The following DLG5 variants were observed in gnomAD, a reference collection of about 807,000 sequenced individuals.
DLG5 encodes disks large homolog 5.
In DLG5, 48 loss-of-function variants were observed where a neutral mutation model predicts 189.8. The ratio of observed to expected loss-of-function variants is 0.25; its 90% CI spans 0.20 to 0.32. DLG5 has a LOEUF of 0.32. Ranked by LOEUF, DLG5 falls within the 10% of genes least tolerant of loss-of-function variation. The pLI is 1.00. For synonymous variants in DLG5, 1,016 were observed against 1,054.1 expected (o/e 0.96, Z 0.70); for missense variants, 2,160 against 2,544.7 (o/e 0.85, Z 3.25).
rs754386756 is a variant in DLG5, at chr10:77,821,248, G to A, written c.3236C>T (p.Pro1079Leu). Residue 1079 changes from proline to leucine, a missense_variant, in exon 15 of 32, where the codon CCT becomes CTT. By Grantham distance (98) the Pro-to-Leu change is moderately conservative. Around this residue, in one of 5 missense-constraint regions of DLG5, gnomAD observed 754 missense variants for 746.5 expected, o/e 1.01. Coordinates refer to ENST00000372391, the MANE Select transcript of DLG5 (RefSeq NM_004747.4). ...ARVRIASSYY[P>L]EGDGDSSHLP... ...GTGGGAGGAGTCCCCATCTCCTTCA[G>A]GGTAGTAGCTGGAAGCAATGCGGAC... 1.9e-6 allele frequency: 3 copies of A among 1,614,036 alleles called. No homozygotes were observed. Among genetic ancestry groups the A allele is most frequent in the Non-Finnish European group, 2.5e-6 (3 of 1,180,048 alleles).
intron 7 of DLG5, among the ~76,000 whole-genome samples, chr10:77,837,614 T>C (rs1193054006): frequency 6.6e-6 from 1 of 152,114 alleles, no homozygotes; most frequent in African/African-American, 2.4e-5. Context: ...CTTAAACAAA[T>C]GGTAAAATTT....
At chr10:77,860,214 A>G (rs1844418157) in intron 2 of DLG5, among the ~76,000 whole-genome samples, 1 of 152,224 alleles carries the variant, frequency 6.6e-6, no homozygotes, top group African/African-American at 2.4e-5. Context: ...AAACACATGC[A>G]CTTCACCCTC....
At chr10:77,854,090 T>C in intron 4 of DLG5, 137 bp downstream of exon 4, 1 of 1,130,122 alleles carries the variant, frequency 8.8e-7, no homozygotes, top group Non-Finnish European at 1.2e-6. Context: ...CAAATCCACC[T>C]GCTGTAGGCA....
chr10:77,930,111 A>G (rs1364898003), upstream of DLG5, among the ~76,000 whole-genome samples: 3 of 152,050 alleles, frequency 2.0e-5, no homozygotes, highest in South Asian at 4.1e-4. Context: ...CCTCCCCTGC[A>G]CACACGCACT....
At chr10:77,830,720 G>A (rs1487949438) in intron 10 of DLG5, 21 bp downstream of exon 10, 1 of 1,612,586 alleles carries the variant, frequency 6.2e-7, no homozygotes, top group Admixed American at 1.7e-5. Context: ...AAGGAGAGAA[G>A]AACCATCAGA....
intron 1 of DLG5, among the ~76,000 whole-genome samples, chr10:77,905,281 A>C (rs576275013): frequency 7.2e-5 from 11 of 152,146 alleles, no homozygotes; most frequent in Non-Finnish European, 1.5e-4. Context: ...GATTACAGGC[A>C]TGAGTCACCT....
chr10:77,844,698 G>T (rs897482421), intron 5 of DLG5, among the ~76,000 whole-genome samples: 2 of 152,226 alleles, frequency 1.3e-5, no homozygotes, highest in Non-Finnish European at 2.9e-5. Context: ...TAACTTCAGA[G>T]CAAGGTAAGA....
chr10:77,819,824 C>G (rs1388117813), intron 16 of DLG5, 71 bp downstream of exon 16: 5 of 1,499,626 alleles, frequency 3.3e-6, no homozygotes, highest in Non-Finnish European at 3.5e-6. Context: ...TGCTGCCTCC[C>G]CTCTCCCTGG....
At chr10:77,841,259 T>C (rs576249557) in intron 7 of DLG5, among the ~76,000 whole-genome samples, 9 of 152,138 alleles carry the variant, frequency 5.9e-5, no homozygotes, top group East Asian at 1.9e-4. Context: ...AAAATCCACA[T>C]TGGCCACCCA....
intron 7 of DLG5, among the ~76,000 whole-genome samples, chr10:77,838,647 G>A (rs1016054054): frequency 1.3e-5 from 2 of 152,224 alleles, no homozygotes; most frequent in South Asian, 4.1e-4. Flanking sequence ...GAAGACAGAA[G>A]CGTGCAAGCA....
chr10:77,930,499 C>G (rs374780968), upstream of DLG5, among the ~76,000 whole-genome samples: 6 of 150,260 alleles, frequency 4.0e-5, no homozygotes, highest in African/African-American at 1.5e-4. Flanking sequence ...AGGTGCACAC[C>G]ACCAAGCCCG....
intron 1 of DLG5, among the ~76,000 whole-genome samples, chr10:77,886,368 G>A (rs1149725): frequency 0.38 from 56,172 of 148,602 alleles, 11,694 homozygotes; most frequent in African/African-American, 0.56. Flanking sequence ...AGAACCGTGT[G>A]AGAGTAGTAA....
In DLG5 at chr10:77,796,212, C is replaced by T; in HGVS notation, c.5309-24G>A. 1 of 1,613,794 alleles carries T rather than the reference C, an allele frequency of 6.2e-7. No homozygotes were observed. Among genetic ancestry groups the T allele is most frequent in the Non-Finnish European group, 8.5e-7 (1 of 1,180,008 alleles). ...CTCTGCAATGCACAGACACAGGAATCAGGGAGCCCCAGGCCCTGCTGAGCC... is the reference window on the plus strand; with the variant it reads ...CTCTGCAATGCACAGACACAGGAATTAGGGAGCCCCAGGCCCTGCTGAGCC... On this transcript the variant is annotated intron_variant, in intron 28 of 31. Coordinates refer to ENST00000372391, the MANE Select transcript of DLG5 (RefSeq NM_004747.4). This position sits in a 1 kb window ranked among gnomAD's most constrained non-coding sequence, Gnocchi z 5.2.
chr10:77,898,958 G>A (rs1845844875), intron 1 of DLG5, among the ~76,000 whole-genome samples: 2 of 152,178 alleles, frequency 1.3e-5, no homozygotes, highest in Admixed American at 1.3e-4. Flanking sequence ...TTATCAACTA[G>A]CCAGTGCTGG....
intron 18 of DLG5, among the ~76,000 whole-genome samples, 175 bp from the exon 19 acceptor site, chr10:77,817,271 C>A (rs1305267071): frequency 1.3e-5 from 2 of 152,208 alleles, no homozygotes; most frequent in Admixed American, 1.3e-4. Context: ...ACATTTATCT[C>A]AATGAACTGT....
At position 77,807,930 on chromosome 10, in the gene DLG5, G is replaced by A. The variant is rs145332092; in HGVS notation, c.4662C>T (p.Asp1554=). 2.4e-4 allele frequency: 391 copies of A among 1,614,130 alleles called. No homozygotes were observed. In the African/African-American group the frequency reaches 4.2e-3, roughly 17 times the overall value. Residue 1554 remains aspartate, a synonymous_variant, in exon 25 of 32, where the codon GAC becomes GAT. Coordinates refer to ENST00000372391, the MANE Select transcript of DLG5 (RefSeq NM_004747.4). ...CTTCCTCCACTGTCTTGTTCCGCAC[G>A]TCCAGGCTGCCATACTGCCAGGGAT... ...GDLILEYGSL[D]VRNKTVEEVY...
Position 77,809,038 on chromosome 10 carries a change from G to A in DLG5, c.4647+509C>T, listed in dbSNP as rs183183226. 3.5e-3 allele frequency among the ~76,000 whole-genome samples: 534 copies of A among 151,810 alleles called. 3 individuals carry two copies. The highest frequency in any genetic ancestry group is 5.3e-3 in the Non-Finnish European group (363 of 67,966). On this transcript the variant is annotated intron_variant, in intron 24 of 31. Coordinates refer to ENST00000372391, the MANE Select transcript of DLG5 (RefSeq NM_004747.4). Reference sequence around the variant, plus strand: ...CGCTTGAACCTGGGAGGCGGAGGTTGTGGTGAGTTGAGATTGCACCACTGC... The same window carrying A: ...CGCTTGAACCTGGGAGGCGGAGGTTATGGTGAGTTGAGATTGCACCACTGC...
intron 8 of DLG5, among the ~76,000 whole-genome samples, chr10:77,834,272 C>T (rs1235070918): frequency 2.0e-5 from 3 of 152,090 alleles, no homozygotes; most frequent in East Asian, 1.9e-4. Flanking sequence ...CACAGTCACC[C>T]GGCAACAAGT....
chr10:77,909,598 TTC>T (rs1308078343), intron 1 of DLG5, among the ~76,000 whole-genome samples: 1 of 152,132 alleles, frequency 6.6e-6, no homozygotes, highest in African/African-American at 2.4e-5. Flanking sequence ...CACCGTTTTG[TTC>T]TCTCTCCCTG....
Sources: gnomAD v4.1 joint callset for allele counts (sites outside exome capture counted in the v4.1 genomes callset) on GRCh38, gnomAD v4.1.1 for gene constraint, gnomAD v4.1.1 regional missense constraint, Gnocchi (gnomAD v3.1) non-coding constraint, MANE v1.5 for transcripts, NCBI Gene and HGNC (gene_info 2026-07-23, HGNC 2026-07-21) for gene names.